TCERG1L: variants seen among roughly 807,000 people sequenced by gnomAD.
TCERG1L encodes the protein transcription elongation regulator 1-like protein.
In TCERG1L, 37 loss-of-function variants were observed where a neutral mutation model predicts 56.3. That is an observed-to-expected ratio of 0.66 (90% confidence interval 0.51 to 0.87). The LOEUF (loss-of-function observed/expected upper bound fraction) is 0.87. TCERG1L is among the 40% of genes least tolerant of loss of function. TCERG1L has a pLI of 0.00. For synonymous variants in TCERG1L, 324 were observed against 326.3 expected (o/e 0.99, Z 0.08); for missense variants, 799 against 774.2 (o/e 1.03, Z -0.38).
At chr10:131,306,418 A>AT (rs907821340) in intron 3 of TCERG1L, among the ~76,000 whole-genome samples, 13 of 132,446 alleles carry the variant, frequency 9.8e-5, no homozygotes, top group East Asian at 4.0e-4. Context: ...TGATCCGTAA[A>AT]TTAAAAAAAA....
rs1295532430 is a variant in TCERG1L at position 131,104,254 on chromosome 10, C to A, written c.1485+11G>T. 1.9e-6 allele frequency: 3 copies of A among 1,541,540 alleles called. No individual in the cohort carries two copies. The highest frequency in any genetic ancestry group is 2.0e-5 in the Admixed American group (1 of 50,886). ...TGTCTCTGCAGTCAAAGTGCCTTCC[C>A]ACCCAGTTACCTGCTTTCGTTCCTC... On this transcript the variant is annotated intron_variant, in intron 10 of 11. Transcript: ENST00000368642.
chr10:131,163,162 T>C lies in TCERG1L; in HGVS notation c.994A>G (p.Asn332Asp), dbSNP rs1266485787. 2.5e-6 allele frequency: 4 copies of C among 1,576,866 alleles called. No homozygotes were observed. The Admixed American group carries it at 5.5e-5, about 22-fold the overall frequency. The change falls in exon 6 of 12, where the codon AAC becomes GAC. Residue 332 changes from asparagine to aspartate, a missense_variant. Coordinates refer to ENST00000368642, the MANE Select transcript of TCERG1L (RefSeq NM_174937.4). The part of the protein sequence containing the change: ...GGGEDSTARG[N>D]RPVASTPVPG... ...ACCGGGGTGGAGGCCACTGGCCTGT[T>C]GCCTCTGGCTGTGCTGTCCTCTCCT...
chr10:131,104,944 T>G (rs544190908), intron 9 of TCERG1L, among the ~76,000 whole-genome samples: 7 of 152,378 alleles, frequency 4.6e-5, no homozygotes, highest in Middle Eastern at 3.4e-3. Context: ...GACGCATTAT[T>G]ACTAACAATA....
chr10:131,205,379 A>C (rs936940404), intron 4 of TCERG1L, among the ~76,000 whole-genome samples: 11 of 148,358 alleles, frequency 7.4e-5, no homozygotes, highest in African/African-American at 2.2e-4. Context: ...AAAAAAAAAA[A>C]CAGCAATAAA....
At chr10:131,229,531 A>G (rs536383575) in intron 4 of TCERG1L, among the ~76,000 whole-genome samples, 1 of 152,222 alleles carries the variant, frequency 6.6e-6, no homozygotes, top group Non-Finnish European at 1.5e-5. Context: ...GCGAAGGTCA[A>G]CATGACAGTA....
chr10:131,202,087 A>G (rs1319884182), intron 4 of TCERG1L, among the ~76,000 whole-genome samples: 5 of 152,198 alleles, frequency 3.3e-5, no homozygotes. Flanking sequence ...CTCGATTTAT[A>G]TTAATCCATT....
intron 2 of TCERG1L, among the ~76,000 whole-genome samples, chr10:131,308,608 T>C (rs1846841971): frequency 6.6e-6 from 1 of 152,248 alleles, no homozygotes; most frequent in Admixed American, 6.5e-5. Context: ...GGCCTTCAAC[T>C]ATTGACTTGG....
At chr10:131,248,780 G>A (rs1054066287) in intron 4 of TCERG1L, among the ~76,000 whole-genome samples, 4 of 152,216 alleles carry the variant, frequency 2.6e-5, no homozygotes, top group East Asian at 1.9e-4. Context: ...GCAGAGCTGA[G>A]CCCCAGTGCC....
chr10:131,101,115 A>G (rs750643367), intron 10 of TCERG1L, among the ~76,000 whole-genome samples: 2 of 152,238 alleles, frequency 1.3e-5, no homozygotes, highest in Non-Finnish European at 2.9e-5. Flanking sequence ...ATCTATTTGC[A>G]GAGGACCAGC....
At chr10:131,159,412 AC>A (rs1055241422) in intron 6 of TCERG1L, among the ~76,000 whole-genome samples, 1 of 151,860 alleles carries the variant, frequency 6.6e-6, no homozygotes, top group Admixed American at 6.6e-5. Flanking sequence ...TCCTGCTGAG[AC>A]CCCCTGTGGT....
At chr10:131,156,076 G>A (rs1197983792) in intron 6 of TCERG1L, 2 of 152,214 alleles carry the variant, frequency 1.3e-5, no homozygotes, top group Admixed American at 1.3e-4. Context: ...CAAGTCAGAG[G>A]ACGGTGCACG....
chr10:131,310,737 C>T (rs1344305281), intron 1 of TCERG1L, among the ~76,000 whole-genome samples: 2 of 152,226 alleles, frequency 1.3e-5, no homozygotes, highest in African/African-American at 4.8e-5. Context: ...TCTCCGGTAA[C>T]ATCCCTCAGT....
intron 6 of TCERG1L, among the ~76,000 whole-genome samples, chr10:131,158,909 C>T (rs1845949605): frequency 6.6e-6 from 1 of 152,222 alleles, no homozygotes; most frequent in African/African-American, 2.4e-5. Flanking sequence ...CCTCTGCGGC[C>T]ATGCCTGCTC....
At chr10:131,188,823 A>C (rs568908869) in intron 4 of TCERG1L, among the ~76,000 whole-genome samples, 1 of 152,168 alleles carries the variant, frequency 6.6e-6, no homozygotes, top group Non-Finnish European at 1.5e-5. Flanking sequence ...CCGCTCCTAA[A>C]TCTGGCCACA....
intron 3 of TCERG1L, among the ~76,000 whole-genome samples, chr10:131,282,248 C>A (rs543908252): frequency 4.2e-4 from 63 of 148,588 alleles, no homozygotes; most frequent in African/African-American, 1.5e-3. Context: ...GGTATTTAGA[C>A]CCCACGCTTT....
rs900126107 is a variant in TCERG1L at position 131,260,077 on chromosome 10, G to A, written c.856+182C>T. On this transcript the variant is annotated intron_variant, in intron 4 of 11. Coordinates refer to ENST00000368642, the MANE Select transcript of TCERG1L (RefSeq NM_174937.4). This position sits in a 1 kb window ranked among gnomAD's most constrained non-coding sequence, Gnocchi z 5.8. ...CCTGACAAGGTGGCTCAGTGGAGTC[G>A]GGTCGATTTGCAGGGTCCGAAGTCA... 6.6e-5 allele frequency among the ~76,000 whole-genome samples: 10 copies of A among 152,340 alleles called. No homozygotes were observed. In the South Asian group the frequency reaches 8.3e-4, roughly 13 times the overall value.
At chr10:131,233,738 T>C (rs185351355) in intron 4 of TCERG1L, among the ~76,000 whole-genome samples, 1 of 152,230 alleles carries the variant, frequency 6.6e-6, no homozygotes, top group Admixed American at 6.5e-5. Context: ...ACTTAACTCC[T>C]GCTATGCTTC....
intron 4 of TCERG1L, among the ~76,000 whole-genome samples, chr10:131,235,171 A>C (rs1233970307): frequency 1.3e-5 from 2 of 152,216 alleles, no homozygotes; most frequent in Non-Finnish European, 2.9e-5. Flanking sequence ...AAAATCATCA[A>C]CCATGAAAAT....
chr10:131,112,251 A>G (rs1845419299), intron 9 of TCERG1L, among the ~76,000 whole-genome samples: 1 of 142,124 alleles, frequency 7.0e-6, no homozygotes, highest in African/African-American at 2.5e-5. Context: ...AGCTCTGTCC[A>G]GATGTGCCCG....
Sources: allele counts gnomAD v4.1 joint callset (sites outside exome capture counted in the v4.1 genomes callset), GRCh38; gene constraint gnomAD v4.1.1; non-coding constraint Gnocchi (gnomAD v3.1); transcripts MANE v1.5; gene names NCBI Gene and HGNC (gene_info 2026-07-23, HGNC 2026-07-21).